Variants in SH3BP4 observed in about 807,000 individuals in gnomAD.
SH3BP4 encodes SH3 domain-binding protein 4.
SH3BP4 carries 33 observed loss-of-function variants against 65.5 expected under a neutral mutation model. That is an observed-to-expected ratio of 0.50 (90% CI 0.38 to 0.67). SH3BP4 has a LOEUF of 0.67. Ranked by LOEUF, SH3BP4 falls within the 30% of genes least tolerant of loss-of-function variation. The pLI is 0.00. For synonymous variants in SH3BP4, 552 were observed against 545.5 expected (o/e 1.01, Z -0.17); for missense variants, 1,134 against 1,261.4 (o/e 0.90, Z 1.53).
chr2:235,050,793 A>G (rs574149000), intron 4 of SH3BP4, among the ~76,000 whole-genome samples: 39 of 152,190 alleles, frequency 2.6e-4, no homozygotes, highest in African/African-American at 7.7e-4. Flanking sequence ...TGCTATCGGC[A>G]CAAAATAGTT....
intron 1 of SH3BP4, chr2:234,953,246 A>G (rs1343906731): frequency 6.6e-6 from 1 of 152,258 alleles, no homozygotes; most frequent in Non-Finnish European, 1.5e-5. Context: ...ATAAAGAGAA[A>G]TATAAACAGC....
At chr2:235,003,286 C>T (rs1694189084) in intron 2 of SH3BP4, among the ~76,000 whole-genome samples, 1 of 152,214 alleles carries the variant, frequency 6.6e-6, no homozygotes, top group Admixed American at 6.5e-5. Context: ...TCTCCCCTGG[C>T]CAGGGCCTAG....
intron 3 of SH3BP4, among the ~76,000 whole-genome samples, chr2:235,038,381 A>ATAT (rs1695515358): frequency 2.5e-5 from 1 of 40,426 alleles, no homozygotes; most frequent in Non-Finnish European, 4.2e-5. Flanking sequence ...ATATACATAT[A>ATAT]TATATATATA....
chr2:235,038,570 A>G lies in SH3BP4; in HGVS notation c.119-2318A>G, dbSNP rs558161329. On this transcript the variant is annotated intron_variant, in intron 3 of 5. Coordinates refer to ENST00000392011, the MANE Select transcript of SH3BP4 (RefSeq NM_014521.3). ...TCATAAGGAAATGAAGACTTAAAGA[A>G]GTAATTAAACCTGAGGGATTTGATG... Among the ~76,000 whole-genome samples the G allele has an allele frequency of 9.9e-5, 15 of 151,028 alleles. 1 individual carries two copies. The highest frequency in any genetic ancestry group is 1.8e-4 in the Non-Finnish European group (12 of 67,874).
intron 1 of SH3BP4, among the ~76,000 whole-genome samples, chr2:234,992,008 G>A (rs1386121054): frequency 6.6e-6 from 1 of 152,214 alleles, no homozygotes; most frequent in Non-Finnish European, 1.5e-5. Context: ...TCAGCTTCAG[G>A]ACCACAAGGC....
chr2:234,997,367 C>T lies in SH3BP4; in HGVS notation c.-133+1991C>T, dbSNP rs1025624100. Among the ~76,000 whole-genome samples the T allele has an allele frequency of 2.0e-5, 3 of 152,308 alleles. No homozygotes were observed. The highest frequency in any genetic ancestry group is 6.5e-5 in the Admixed American group (1 of 15,306). Reference sequence around the variant, plus strand: ...CCCGAGTTTTGTCCGTGGCAAATTTCGTGATTTGCACATAGTTCCCACCTC... The same window carrying T: ...CCCGAGTTTTGTCCGTGGCAAATTTTGTGATTTGCACATAGTTCCCACCTC... On this transcript the variant is annotated intron_variant, in intron 2 of 5. Coordinates refer to ENST00000392011, the MANE Select transcript of SH3BP4 (RefSeq NM_014521.3). This position sits in a 1 kb window ranked among gnomAD's most constrained non-coding sequence, Gnocchi z 4.2.
intron 1 of SH3BP4, among the ~76,000 whole-genome samples, chr2:234,983,561 C>T (rs1381060204): frequency 2.0e-5 from 3 of 152,198 alleles, no homozygotes; most frequent in African/African-American, 7.2e-5. Flanking sequence ...TATTTCTATC[C>T]TAATGCTCAG....
At position 234,981,064 on chromosome 2, in the gene SH3BP4, C is replaced by G. The variant is rs1243007874; in HGVS notation, c.-206-14239C>G. 2.6e-5 allele frequency among the ~76,000 whole-genome samples: 4 copies of G among 152,294 alleles called. No homozygotes were observed. In the East Asian group the frequency reaches 7.7e-4, roughly 29 times the overall value. Reference sequence around the variant, plus strand: ...TTTGAATTTTCTGGAAAATAAGCCTCTCTTAGTTACGAGCATTGCAGACAC... The same window carrying G: ...TTTGAATTTTCTGGAAAATAAGCCTGTCTTAGTTACGAGCATTGCAGACAC... On this transcript the variant is annotated intron_variant, in intron 1 of 5. Coordinates refer to ENST00000392011, the MANE Select transcript of SH3BP4 (RefSeq NM_014521.3).
At chr2:235,013,073 T>A (rs181253790) in intron 2 of SH3BP4, among the ~76,000 whole-genome samples, 51 of 152,360 alleles carry the variant, frequency 3.3e-4, no homozygotes, top group Admixed American at 2.7e-3. Flanking sequence ...CAAAACAGCC[T>A]TTCTGTTCCC....
At chr2:235,015,438 CT>C (rs578160272) in intron 2 of SH3BP4, among the ~76,000 whole-genome samples, 259 of 152,342 alleles carry the variant, frequency 1.7e-3, no homozygotes, top group Non-Finnish European at 3.3e-3. Flanking sequence ...GCTGTTGTCC[CT>C]CCCTATGGTC....
intron 1 of SH3BP4, among the ~76,000 whole-genome samples, chr2:234,983,749 A>T (rs1458947768): frequency 6.6e-6 from 1 of 152,186 alleles, no homozygotes; most frequent in Non-Finnish European, 1.5e-5. Context: ...GTGGGAGCAG[A>T]GACTGGAGTC....
At chr2:234,981,692 T>G (rs1693388487) in intron 1 of SH3BP4, 1 of 139,350 alleles carries the variant, frequency 7.2e-6, no homozygotes, top group South Asian at 2.3e-4. Flanking sequence ...TCTGGCGGAA[T>G]GTGAGGTGAA....
rs192628157 is a variant in SH3BP4, at chr2:234,988,345, C to A, written c.-206-6958C>A. 2.6e-3 allele frequency among the ~76,000 whole-genome samples: 397 copies of A among 152,300 alleles called. 6 individuals are homozygous for A. The South Asian group carries it at 0.027, about 10-fold the overall frequency. ...AAGTGCTGGGATTACAGGCGTGAGCCACCACACCCGGCCCGCCAGCCACGT... is the reference window on the plus strand; with the variant it reads ...AAGTGCTGGGATTACAGGCGTGAGCAACCACACCCGGCCCGCCAGCCACGT... On this transcript the variant is annotated intron_variant, in intron 1 of 5. Coordinates refer to ENST00000392011, the MANE Select transcript of SH3BP4 (RefSeq NM_014521.3).
chr2:234,991,327 A>T lies in SH3BP4; in HGVS notation c.-206-3976A>T, dbSNP rs562761741. ...ATCAACTCTCTGCAGATTTGTCATC[A>T]GCTGAGACTGTCAACCATTGTTAAA... On this transcript the variant is annotated intron_variant, in intron 1 of 5. Coordinates refer to ENST00000392011, the MANE Select transcript of SH3BP4 (RefSeq NM_014521.3). This position sits in a 1 kb window ranked among gnomAD's most constrained non-coding sequence, Gnocchi z 4.2. Among the ~76,000 whole-genome samples, 4 of 152,340 alleles carry T rather than the reference A, an allele frequency of 2.6e-5. No individual in the cohort carries two copies. In the East Asian group the frequency reaches 5.8e-4, roughly 22 times the overall value.
At position 235,052,516 on chromosome 2, in the gene SH3BP4, C is replaced by A. The variant is rs1198503829; in HGVS notation, c.2479-46C>A. 4.1e-6 allele frequency: 6 copies of A among 1,448,508 alleles called. No homozygotes were observed. The highest frequency in any genetic ancestry group is 5.6e-6 in the Non-Finnish European group (6 of 1,081,050). 89.7% of individuals were successfully genotyped at this position (1,448,508 alleles called of 1,614,324 possible). A position where few individuals can be genotyped will look rare whatever the true frequency, so the allele number is the denominator to read the frequency against. On this transcript the variant is annotated intron_variant, in intron 4 of 5. Coordinates refer to ENST00000392011, the MANE Select transcript of SH3BP4 (RefSeq NM_014521.3). This position sits in a 1 kb window ranked among gnomAD's most constrained non-coding sequence, Gnocchi z 5.0. ...GGAATTCTGCGGGGAGCAGAGCCTG[C>A]CCCACTCCCTACACTGTCTCACGCT...
intron 4 of SH3BP4, among the ~76,000 whole-genome samples, chr2:235,044,244 T>A (rs1695770711): frequency 1.3e-5 from 2 of 152,218 alleles, no homozygotes; most frequent in African/African-American, 4.8e-5. Context: ...AACCGTGAAC[T>A]GGAATCCAAA....
intron 2 of SH3BP4, among the ~76,000 whole-genome samples, chr2:235,017,045 C>CTTTTTTTTTTTTTTTTTTT (rs995197698): frequency 1.1e-5 from 1 of 88,440 alleles, no homozygotes; most frequent in East Asian, 3.5e-4. Flanking sequence ...GTTTGCCTTT[C>CTTTTTTTTTTTTTTTTTTT]TTTTTTTTTT....
chr2:235,018,071 C>T (rs569246927), intron 2 of SH3BP4, among the ~76,000 whole-genome samples: 1 of 152,286 alleles, frequency 6.6e-6, no homozygotes, highest in East Asian at 1.9e-4. Flanking sequence ...CGAGAGCTTA[C>T]AGGGTCTTGG....
intron 4 of SH3BP4, among the ~76,000 whole-genome samples, chr2:235,048,920 A>G (rs1002344925): frequency 6.6e-6 from 1 of 152,214 alleles, no homozygotes; most frequent in Non-Finnish European, 1.5e-5. Context: ...GTGCCCATAA[A>G]AAGAGGAAGC....
Sources: allele counts gnomAD v4.1 joint callset (sites outside exome capture counted in the v4.1 genomes callset), GRCh38; gene constraint gnomAD v4.1.1; non-coding constraint Gnocchi (gnomAD v3.1); transcripts MANE v1.5; gene names NCBI Gene and HGNC (gene_info 2026-07-23, HGNC 2026-07-21).